Variants in CDH4 observed in about 807,000 individuals in gnomAD.
The protein encoded by CDH4 is cadherin-4.
CDH4 carries 33 observed loss-of-function variants against 86.0 expected under a neutral mutation model. The ratio of observed to expected loss-of-function variants is 0.38; its 90% CI spans 0.29 to 0.51. CDH4 has a LOEUF of 0.51. CDH4 is among the 20% of genes least tolerant of loss of function. The pLI is 0.86. For synonymous variants in CDH4, 555 were observed against 549.4 expected (o/e 1.01, Z -0.14); for missense variants, 1,114 against 1,307.4 (o/e 0.85, Z 2.28).
chr20:61,598,898 T>G (rs80334972), intron 2 of CDH4, among the ~76,000 whole-genome samples: 1,554 of 152,298 alleles, frequency 0.01, 27 homozygotes, highest in African/African-American at 0.036. Flanking sequence ...GGGCTGACAC[T>G]GCGCAGCCTG....
chr20:61,924,244 GC>G, intron 10 of CDH4, 89 bp from the exon 11 acceptor site: 1 of 1,321,246 alleles, frequency 7.6e-7, no homozygotes, highest in Non-Finnish European at 1.1e-6. Context: ...CCAGGCCCAG[GC>G]CCTGGAGGTG....
chr20:61,335,911 A>G (rs2084614523), intron 2 of CDH4, among the ~76,000 whole-genome samples: 1 of 152,218 alleles, frequency 6.6e-6, no homozygotes, highest in South Asian at 2.1e-4. Context: ...AGGTTGACGC[A>G]AGGATCTTTT....
chr20:61,923,971 C>T (rs1198253297), intron 10 of CDH4, among the ~76,000 whole-genome samples: 1 of 152,232 alleles, frequency 6.6e-6, no homozygotes, highest in Non-Finnish European at 1.5e-5. Context: ...ATCCTGGCCA[C>T]ACTCTCATAG....
intron 2 of CDH4, among the ~76,000 whole-genome samples, chr20:61,733,251 G>A (rs1473192242): frequency 1.3e-5 from 2 of 152,102 alleles, no homozygotes; most frequent in African/African-American, 2.4e-5. Flanking sequence ...AGCAAGTTCC[G>A]GGCAGTGGCA....
chr20:61,654,469 T>C (rs2087165671), intron 2 of CDH4, among the ~76,000 whole-genome samples: 1 of 152,162 alleles, frequency 6.6e-6, no homozygotes, highest in Non-Finnish European at 1.5e-5. Context: ...ATCAAGACTT[T>C]TTAAGAAACT....
In CDH4 at chr20:61,810,085, G is replaced by A. The variant is rs1453982016; in HGVS notation, c.577-34583G>A. Among the ~76,000 whole-genome samples the A allele has an allele frequency of 1.3e-5, 2 of 152,180 alleles. No individual in the cohort carries two copies. The highest frequency in any genetic ancestry group is 4.8e-5 in the African/African-American group (2 of 41,436). On this transcript the variant is annotated intron_variant, in intron 4 of 15. Transcript: ENST00000614565. The surrounding 1 kb of genome is among the most constrained non-coding windows in gnomAD (Gnocchi z 4.3). ...AAGTGTGTTTCTCACACATCCAGAG[G>A]TTTGGCTAGCGTTGGTCAGACCTGG...
chr20:61,313,503 G>C (rs2084459172), intron 2 of CDH4, among the ~76,000 whole-genome samples: 1 of 152,188 alleles, frequency 6.6e-6, no homozygotes, highest in Non-Finnish European at 1.5e-5. Flanking sequence ...GAAGCCACCA[G>C]GCACCAGGCG....
intron 2 of CDH4, among the ~76,000 whole-genome samples, chr20:61,418,209 C>T (rs372856017): frequency 5.2e-4 from 70 of 134,734 alleles, no homozygotes; most frequent in African/African-American, 1.5e-3. Context: ...TCTTTTTTTT[C>T]TTTTTTTTTT....
intron 2 of CDH4, among the ~76,000 whole-genome samples, chr20:61,355,771 A>G (rs760652038): frequency 3.3e-5 from 5 of 152,206 alleles, no homozygotes; most frequent in Non-Finnish European, 7.3e-5. Context: ...CTCTGCTCAT[A>G]CATGCACCTG....
chr20:61,544,510 C>T lies in CDH4; in HGVS notation c.170-199053C>T, dbSNP rs1600743905. Among the ~76,000 whole-genome samples, 1 of 151,796 alleles carries T rather than the reference C, an allele frequency of 6.6e-6. No individual in the cohort carries two copies. Among genetic ancestry groups the T allele is most frequent in the East Asian group, 2.0e-4 (1 of 5,094 alleles). ...AAGGAAAGCCCGTGGATTATGCATC[C>T]AGGAATTAAAGCAGTCCATGCAATG... On this transcript the variant is annotated intron_variant, in intron 2 of 15. Transcript: ENST00000614565. This position sits in a 1 kb window ranked among gnomAD's most constrained non-coding sequence, Gnocchi z 6.5.
rs1555859327 is a variant in CDH4 at position 61,518,983 on chromosome 20, T to TCATCCATCCATTCATCCTTC, written c.170-224563_170-224562insTTCCATCCATCCATTCATCC. On this transcript the variant is annotated intron_variant, in intron 2 of 15. Transcript: ENST00000614565. The surrounding 1 kb of genome is among the most constrained non-coding windows in gnomAD (Gnocchi z 6.3). ...CATTATTTATCCATCCATCCATCCT[T>TCATCCATCCATTCATCCTTC]CATCCATCCATTCATCCATGCATTC... Among the ~76,000 whole-genome samples, 6,749 of 152,130 alleles carry TCATCCATCCATTCATCCTTC rather than the reference T, an allele frequency of 0.044. 467 individuals are homozygous for TCATCCATCCATTCATCCTTC. The highest frequency in any genetic ancestry group is 0.15 in the African/African-American group (6,287 of 41,428).
At chr20:61,329,441 T>TCCCCTCGTGGGTCCTCATGGTC (rs2084558009) in intron 2 of CDH4, among the ~76,000 whole-genome samples, 1 of 32,724 alleles carries the variant, frequency 3.1e-5, no homozygotes. Flanking sequence ...GTCCTCATGG[T>TCCCCTCGTGGGTCCTCATGGTC]CCCCCGTGGG....
At chr20:61,300,192 G>A (rs1489516993) in intron 2 of CDH4, among the ~76,000 whole-genome samples, 1 of 152,136 alleles carries the variant, frequency 6.6e-6, no homozygotes, top group Non-Finnish European at 1.5e-5. Flanking sequence ...GGAGAGGCAG[G>A]TGTGCCACAG....
intron 2 of CDH4, among the ~76,000 whole-genome samples, chr20:61,503,025 A>G (rs2085715795): frequency 6.6e-6 from 1 of 152,198 alleles, no homozygotes; most frequent in South Asian, 2.1e-4. Flanking sequence ...ATGGAATCCC[A>G]GGGAGAACCT....
Position 61,873,837 on chromosome 20 carries a change from T to G in CDH4, c.987T>G (p.Asn329Lys). The G allele has an allele frequency of 6.2e-7, 1 of 1,614,042 alleles. No homozygotes were observed. Among genetic ancestry groups the G allele is most frequent in the Non-Finnish European group, 8.5e-7 (1 of 1,180,008 alleles). ...AGACCCCACAGAGCCCGTCCCAGAA[T>G]ATGTTCACCATCAACAGCGAGACTG... is the stretch of plus-strand genomic sequence containing the variant. ...VTQTPQSPSQNMFTINSETGD... is the reference protein window; with the variant it reads ...VTQTPQSPSQKMFTINSETGD... The change falls in exon 7 of 16, where the codon AAT becomes AAG. Residue 329 changes from asparagine (N) to lysine (K), a missense_variant. Physicochemically the swap from Asn to Lys is moderately conservative, Grantham distance 94. Transcript: ENST00000614565.
In CDH4 at chr20:61,845,818, G is replaced by A. The variant is rs1369403166; in HGVS notation, c.732+995G>A. Among the ~76,000 whole-genome samples, 10 of 152,360 alleles carry A rather than the reference G, an allele frequency of 6.6e-5. No homozygotes were observed. The South Asian group carries it at 1.9e-3, about 28-fold the overall frequency. On this transcript the variant is annotated intron_variant, in intron 5 of 15. Coordinates refer to ENST00000614565, the MANE Select transcript of CDH4 (RefSeq NM_001794.5). ...CCCACCTGACAGTGTCACCTTGCTC[G>A]GTTCCACCTTCGCTTGGCTTCAGTC...
intron 3 of CDH4, among the ~76,000 whole-genome samples, chr20:61,757,481 G>A (rs1272753357): frequency 6.6e-6 from 1 of 152,248 alleles, no homozygotes; most frequent in Non-Finnish European, 1.5e-5. Context: ...CTTGTAAATA[G>A]AGGGGTGCCC....
chr20:61,772,852 A>T, intron 3 of CDH4, 151 bp from the exon 4 acceptor site: 1 of 525,142 alleles, frequency 1.9e-6, no homozygotes. Flanking sequence ...TCCCAGCGTT[A>T]TCCCGCCCTT....
chr20:61,470,901 G>C (rs1211246956), intron 2 of CDH4, among the ~76,000 whole-genome samples: 1 of 152,112 alleles, frequency 6.6e-6, no homozygotes, highest in African/African-American at 2.4e-5. Context: ...TGATCATGAT[G>C]AATTATCTTT....
Sources: allele counts gnomAD v4.1 joint callset (sites outside exome capture counted in the v4.1 genomes callset), GRCh38; gene constraint gnomAD v4.1.1; non-coding constraint Gnocchi (gnomAD v3.1); transcripts MANE v1.5; gene names NCBI Gene and HGNC (gene_info 2026-07-23, HGNC 2026-07-21).